TNFSF4: variants seen among roughly 807,000 people sequenced by gnomAD.
TNFSF4 encodes tumor necrosis factor ligand superfamily member 4.
In TNFSF4, 4 loss-of-function variants were observed where a neutral mutation model predicts 7.3. That is an observed-to-expected ratio of 0.55 (90% CI 0.27 to 1.25). The LOEUF (loss-of-function observed/expected upper bound fraction) is 1.25, where lower values mean the gene tolerates loss of function less well. TNFSF4 is among the 50% of genes most tolerant of loss of function. The pLI is 0.12. For missense variants in TNFSF4, 181 were observed against 208.8 expected, an observed-to-expected ratio of 0.87 and a Z score of 0.82; for synonymous variants, 76 against 83.7, an observed-to-expected ratio of 0.91 and a Z score of 0.50.
At chr1:173,368,467 T>G in the TNFSF4 span, among the ~76,000 whole-genome samples, 1 of 152,148 alleles carries the variant, frequency 6.6e-6, no homozygotes, top group African/African-American at 2.4e-5. Flanking sequence ...TGTCCTGTTT[T>G]TCCTCAGAAT....
At chr1:173,183,723 C>G (rs183926725), downstream of TNFSF4, 1 of 152,172 alleles carries the variant, frequency 6.6e-6, no homozygotes, top group Non-Finnish European at 1.5e-5. Flanking sequence ...CTCCAACACT[C>G]TCACCAGTAG....
chr1:173,189,215 G>A (rs114866627), intron 1 of TNFSF4, among the ~76,000 whole-genome samples: 5 of 152,122 alleles, frequency 3.3e-5, no homozygotes, highest in South Asian at 4.1e-4. Flanking sequence ...TTTGGATAAC[G>A]TAGCACTATA....
At chr1:173,387,259 T>C in the TNFSF4 span, among the ~76,000 whole-genome samples, 1 of 152,184 alleles carries the variant, frequency 6.6e-6, no homozygotes, top group Non-Finnish European at 1.5e-5. Context: ...TGCAACAGTA[T>C]TAAGAGGTGG....
the TNFSF4 span, among the ~76,000 whole-genome samples, chr1:173,327,019 T>C: frequency 6.6e-6 from 1 of 152,158 alleles, no homozygotes; most frequent in East Asian, 1.9e-4. Flanking sequence ...AAAACTACTT[T>C]AAAGTTCATA....
At chr1:173,349,849 T>C in the TNFSF4 span, among the ~76,000 whole-genome samples, 1 of 152,228 alleles carries the variant, frequency 6.6e-6, no homozygotes, top group African/African-American at 2.4e-5. Flanking sequence ...AAACCAGTTA[T>C]ACCTATTGGT....
At chr1:173,293,498 C>T in the TNFSF4 span, among the ~76,000 whole-genome samples, 1 of 152,004 alleles carries the variant, frequency 6.6e-6, no homozygotes, top group Non-Finnish European at 1.5e-5. Context: ...AATTTAAGAC[C>T]TGAAACTCTA....
chr1:173,254,591 A>G, the TNFSF4 span, among the ~76,000 whole-genome samples: 1 of 152,212 alleles, frequency 6.6e-6, no homozygotes, highest in Non-Finnish European at 1.5e-5. Flanking sequence ...ACTTAGTAAA[A>G]GTTCAGTCTA....
chr1:173,318,903 T>C, the TNFSF4 span, among the ~76,000 whole-genome samples: 1 of 152,128 alleles, frequency 6.6e-6, no homozygotes. Flanking sequence ...GGGTCTCAAA[T>C]ACAAAACTGG....
chr1:173,331,322 G>A, the TNFSF4 span, among the ~76,000 whole-genome samples: 1 of 152,160 alleles, frequency 6.6e-6, no homozygotes, highest in Non-Finnish European at 1.5e-5. Flanking sequence ...GTTTTTAAAA[G>A]CAGTATTGTA....
chr1:173,298,823 G>GT, the TNFSF4 span, among the ~76,000 whole-genome samples: 2 of 151,902 alleles, frequency 1.3e-5, no homozygotes, highest in African/African-American at 4.8e-5. Context: ...GCAGATTTTG[G>GT]TAAGGACCCA....
At chr1:173,309,554 G>A in the TNFSF4 span, among the ~76,000 whole-genome samples, 355 of 151,940 alleles carry the variant, frequency 2.3e-3, 2 homozygotes, top group African/African-American at 7.9e-3. Context: ...TGGGGATATA[G>A]TATCCCTTTT....
At chr1:173,331,024 A>C in the TNFSF4 span, among the ~76,000 whole-genome samples, 1 of 151,888 alleles carries the variant, frequency 6.6e-6, no homozygotes, top group Non-Finnish European at 1.5e-5. Flanking sequence ...AGCTGGGATT[A>C]CAGGCGCCCA....
the TNFSF4 span, among the ~76,000 whole-genome samples, chr1:173,331,099 G>C: frequency 1.3e-5 from 2 of 152,066 alleles, no homozygotes; most frequent in African/African-American, 4.8e-5. Flanking sequence ...TGGCCAGGCT[G>C]ATCTCGAACT....
chr1:173,194,086 T>C (rs1485354221), intron 1 of TNFSF4, among the ~76,000 whole-genome samples: 1 of 152,250 alleles, frequency 6.6e-6, no homozygotes. Flanking sequence ...CTGTTAACTA[T>C]GAACTTCCAA....
the TNFSF4 span, among the ~76,000 whole-genome samples, chr1:173,424,070 T>C: frequency 6.6e-6 from 1 of 152,200 alleles, no homozygotes; most frequent in Non-Finnish European, 1.5e-5. Context: ...CCTCAAGCTC[T>C]TTTGTAAGGA....
chr1:173,403,717 G>C, the TNFSF4 span, among the ~76,000 whole-genome samples: 1 of 152,066 alleles, frequency 6.6e-6, no homozygotes, highest in Non-Finnish European at 1.5e-5. Flanking sequence ...GCCTGGCCAA[G>C]ATGGTGAAAC....
the TNFSF4 span, among the ~76,000 whole-genome samples, chr1:173,176,434 G>A: frequency 3.3e-5 from 5 of 152,126 alleles, no homozygotes; most frequent in East Asian, 1.9e-4. Flanking sequence ...CATCTCACAC[G>A]AGTCAGAATG....
At chr1:173,308,267 T>TC in the TNFSF4 span, among the ~76,000 whole-genome samples, 37 of 132,940 alleles carry the variant, frequency 2.8e-4, 1 homozygote, top group East Asian at 1.3e-3. Context: ...CTCTCTCTCT[T>TC]TCTCTCTCTC....
At chr1:173,258,034 A>C in the TNFSF4 span, among the ~76,000 whole-genome samples, 1 of 152,174 alleles carries the variant, frequency 6.6e-6, no homozygotes, top group East Asian at 1.9e-4. Context: ...GCCCACCATT[A>C]ATAAAGTCAC....
Sources: allele counts gnomAD v4.1 joint callset (sites outside exome capture counted in the v4.1 genomes callset), GRCh38; gene constraint gnomAD v4.1.1; transcripts MANE v1.5; gene names NCBI Gene and HGNC (gene_info 2026-07-23, HGNC 2026-07-21).